The following ALCAM variants were observed in gnomAD, a reference collection of about 807,000 sequenced individuals.
ALCAM encodes the protein CD166 antigen.
A neutral mutation model predicts 70.9 loss-of-function variants in ALCAM; 30 were observed. That is an observed-to-expected ratio of 0.42 (90% CI 0.32 to 0.57). The LOEUF (loss-of-function observed/expected upper bound fraction) is 0.57, where lower values mean the gene tolerates loss of function less well. Among genes scored for constraint, ALCAM ranks in the 20% least tolerant of loss-of-function variants. The probability of loss-of-function intolerance (pLI) is 0.11; values close to 1 mark genes in which losing one functional copy is unlikely to be tolerated. For synonymous variants in ALCAM, 249 were observed against 242.5 expected, an observed-to-expected ratio of 1.03 and a Z score of -0.25; for missense variants, 591 against 695.1, an observed-to-expected ratio of 0.85 and a Z score of 1.68.
intron 1 of ALCAM, among the ~76,000 whole-genome samples, chr3:105,453,869 G>T (rs1048193214): frequency 6.6e-6 from 1 of 152,090 alleles, no homozygotes; most frequent in Admixed American, 6.6e-5. Context: ...TTGGCTCTCC[G>T]CTCGTCTCTT....
At chr3:105,377,442 A>T (rs1183690006) in intron 1 of ALCAM, among the ~76,000 whole-genome samples, 1 of 152,088 alleles carries the variant, frequency 6.6e-6, no homozygotes, top group Non-Finnish European at 1.5e-5. Context: ...ACACATCTTT[A>T]AAAAAATCCC....
At chr3:105,542,868 C>T (rs1308704182) in intron 8 of ALCAM, among the ~76,000 whole-genome samples, 1 of 151,714 alleles carries the variant, frequency 6.6e-6, no homozygotes, top group Non-Finnish European at 1.5e-5. Flanking sequence ...GCCATTTCTC[C>T]ATTTACTCCT....
At chr3:105,481,857 AGCTATTTG>A (rs1350498266) in intron 1 of ALCAM, among the ~76,000 whole-genome samples, 1 of 152,086 alleles carries the variant, frequency 6.6e-6, no homozygotes, top group Non-Finnish European at 1.5e-5. Flanking sequence ...GTGTTATTTG[AGCTATTTG>A]GCCAATTCAT....
intron 11 of ALCAM, among the ~76,000 whole-genome samples, chr3:105,549,188 GAT>G (rs1164933715): frequency 2.0e-5 from 3 of 151,396 alleles, no homozygotes; most frequent in East Asian, 3.9e-4. Context: ...CCCACTGGGT[GAT>G]ATGTTATTTT....
At chr3:105,572,155 G>T (rs1041284718) in intron 15 of ALCAM, among the ~76,000 whole-genome samples, 191 bp downstream of exon 15, 2 of 152,056 alleles carry the variant, frequency 1.3e-5, no homozygotes, top group Non-Finnish European at 2.9e-5. Flanking sequence ...TGTTACGCTG[G>T]TATAAACGTG....
chr3:105,563,156 A>C (rs1043888939), intron 14 of ALCAM, among the ~76,000 whole-genome samples: 4 of 150,932 alleles, frequency 2.7e-5, no homozygotes, highest in Non-Finnish European at 5.9e-5. Context: ...AAATTTTGGC[A>C]GGTTGCTCAA....
Position 105,371,185 on chromosome 3 carries a change from A to G in ALCAM, c.73+3704A>G, listed in dbSNP as rs531114188. Among the ~76,000 whole-genome samples, 73 of 152,274 alleles carry G rather than the reference A, an allele frequency of 4.8e-4. 2 individuals carry two copies. The South Asian group carries it at 0.014, about 29-fold the overall frequency. ...TTGACTTATCAAAAAGAAGAAAATT[A>G]ATTAAATAGTCTTGTGTTATTAGAA... is the stretch of plus-strand genomic sequence containing the variant. On this transcript the variant is annotated intron_variant, in intron 1 of 15. Coordinates refer to ENST00000306107, the MANE Select transcript of ALCAM (RefSeq NM_001627.4).
At chr3:105,382,271 A>C (rs2107336572) in intron 1 of ALCAM, among the ~76,000 whole-genome samples, 1 of 152,122 alleles carries the variant, frequency 6.6e-6, no homozygotes, top group South Asian at 2.1e-4. Flanking sequence ...ACATGAATTC[A>C]TCATTTTTTA....
chr3:105,423,678 T>A (rs1246100323), intron 1 of ALCAM, among the ~76,000 whole-genome samples: 1 of 151,552 alleles, frequency 6.6e-6, no homozygotes, highest in Non-Finnish European at 1.5e-5. Context: ...GCTAGAAATT[T>A]ATACACACAC....
At chr3:105,383,484 A>G (rs953585401) in intron 1 of ALCAM, among the ~76,000 whole-genome samples, 2 of 151,834 alleles carry the variant, frequency 1.3e-5, no homozygotes, top group African/African-American at 4.8e-5. Flanking sequence ...ATTATCAATG[A>G]AGCCTATTTT....
intron 1 of ALCAM, among the ~76,000 whole-genome samples, chr3:105,431,007 C>CA (rs988972992): frequency 6.6e-6 from 1 of 151,892 alleles, no homozygotes; most frequent in African/African-American, 2.4e-5. Flanking sequence ...ACATAGTAGA[C>CA]GTTAATGGTA....
At chr3:105,476,371 A>T (rs1001636593) in intron 1 of ALCAM, among the ~76,000 whole-genome samples, 1 of 152,078 alleles carries the variant, frequency 6.6e-6, no homozygotes, top group African/African-American at 2.4e-5. Flanking sequence ...GCTCAAATAT[A>T]TACCTCTAAA....
At chr3:105,370,321 T>C (rs1935194949) in intron 1 of ALCAM, among the ~76,000 whole-genome samples, 1 of 152,242 alleles carries the variant, frequency 6.6e-6, no homozygotes, top group African/African-American at 2.4e-5. Flanking sequence ...TCCTTAAGGA[T>C]TTATTTAATC....
At chr3:105,539,904 A>C (rs1940071858) in intron 6 of ALCAM, 71 bp from the exon 7 acceptor site, 14 of 1,505,860 alleles carry the variant, frequency 9.3e-6, no homozygotes, top group Non-Finnish European at 1.1e-5. Context: ...TAATTTAGTC[A>C]TTTACATTGT....
intron 1 of ALCAM, among the ~76,000 whole-genome samples, chr3:105,479,729 C>T (rs1938218800): frequency 6.6e-6 from 1 of 152,148 alleles, no homozygotes; most frequent in Non-Finnish European, 1.5e-5. Flanking sequence ...AGTTCATTCG[C>T]ATCTGCTTGT....
intron 1 of ALCAM, among the ~76,000 whole-genome samples, chr3:105,510,630 T>C (rs1402701871): frequency 1.3e-5 from 2 of 152,014 alleles, no homozygotes; most frequent in African/African-American, 2.4e-5. Context: ...TGGGAAACCA[T>C]CTGAGAGCAG....
At chr3:105,417,146 G>A (rs1047092192) in intron 1 of ALCAM, among the ~76,000 whole-genome samples, 6 of 151,588 alleles carry the variant, frequency 4.0e-5, no homozygotes, top group Non-Finnish European at 7.4e-5. Context: ...TTCCACCCGA[G>A]ACATTCACAC....
At chr3:105,551,327 C>T (rs1168768504) in intron 12 of ALCAM, among the ~76,000 whole-genome samples, 3 of 151,578 alleles carry the variant, frequency 2.0e-5, no homozygotes, top group Non-Finnish European at 4.4e-5. Flanking sequence ...ACAAGTTTCT[C>T]TTTTTATGTT....
At chr3:105,507,867 G>T (rs1939124883) in intron 1 of ALCAM, among the ~76,000 whole-genome samples, 1 of 152,128 alleles carries the variant, frequency 6.6e-6, no homozygotes, top group Non-Finnish European at 1.5e-5. Context: ...TAGTCATTCA[G>T]TACGTTTTTA....
Sources: gnomAD v4.1 joint callset for allele counts (sites outside exome capture counted in the v4.1 genomes callset) on GRCh38, gnomAD v4.1.1 for gene constraint, MANE v1.5 for transcripts, NCBI Gene and HGNC (gene_info 2026-07-23, HGNC 2026-07-21) for gene names.